CDH17: variants seen among roughly 807,000 people sequenced by gnomAD.
The protein encoded by CDH17 is cadherin 17.
CDH17 carries 67 observed loss-of-function variants against 86.3 expected under a neutral mutation model. That is an observed-to-expected ratio of 0.78 (90% CI 0.64 to 0.95). The LOEUF (loss-of-function observed/expected upper bound fraction) is 0.95. CDH17 is among the 40% of genes least tolerant of loss of function. The probability of loss-of-function intolerance (pLI) is 0.00; values close to 1 mark genes in which losing one functional copy is unlikely to be tolerated. For synonymous variants in CDH17, 367 were observed against 366.4 expected, an observed-to-expected ratio of 1.00 and a Z score of -0.02; for missense variants, 993 against 1,017.6, an observed-to-expected ratio of 0.98 and a Z score of 0.33.
At chr8:94,177,431 T>C (rs1480520856) in intron 4 of CDH17, among the ~76,000 whole-genome samples, 156 bp downstream of exon 4, 2 of 152,160 alleles carry the variant, frequency 1.3e-5, no homozygotes, top group Non-Finnish European at 2.9e-5. Context: ...CTGTAGTTGG[T>C]AAGAAATGGA....
intron 3 of CDH17, among the ~76,000 whole-genome samples, chr8:94,187,440 T>C (rs1369916951): frequency 1.3e-5 from 2 of 152,128 alleles, no homozygotes; most frequent in Non-Finnish European, 2.9e-5. Flanking sequence ...GAGCAGCTGG[T>C]ATATATAGTA....
At chr8:94,131,914 G>A (rs1812428853) in intron 15 of CDH17, among the ~76,000 whole-genome samples, 2 of 152,140 alleles carry the variant, frequency 1.3e-5, no homozygotes, top group Admixed American at 1.3e-4. Flanking sequence ...ACCTATGAGT[G>A]AGAACATGCA....
At chr8:94,161,691 C>A (rs57645649) in intron 11 of CDH17, among the ~76,000 whole-genome samples, 1,629 of 152,210 alleles carry the variant, frequency 0.011, 38 homozygotes, top group African/African-American at 0.037. Context: ...CGCCAATATT[C>A]CAAATATTAA....
At chr8:94,193,319 G>C (rs1331063834) in intron 2 of CDH17, among the ~76,000 whole-genome samples, 1 of 152,200 alleles carries the variant, frequency 6.6e-6, no homozygotes, top group Non-Finnish European at 1.5e-5. Context: ...TAAAAGCACA[G>C]TCCATTTTTC....
intron 12 of CDH17, 109 bp from the exon 13 acceptor site, chr8:94,152,221 A>ATTATTCCC: frequency 2.6e-6 from 3 of 1,155,866 alleles, no homozygotes; most frequent in Non-Finnish European, 3.7e-6. Context: ...ATATTGGAAA[A>ATTATTCCC]ACTGGATATC....
intron 3 of CDH17, 43 bp downstream of exon 3, chr8:94,189,144 A>G (rs763307704): frequency 7.6e-6 from 10 of 1,322,196 alleles, no homozygotes; most frequent in African/African-American, 1.5e-5. Flanking sequence ...CCACCAAGAG[A>G]GCATACAAAA....
intron 15 of CDH17, among the ~76,000 whole-genome samples, chr8:94,136,458 C>T (rs933417343): frequency 3.9e-5 from 6 of 152,136 alleles, no homozygotes; most frequent in East Asian, 1.9e-4. Flanking sequence ...GCATGCATCA[C>T]GAAGTTCTCC....
At chr8:94,170,638 A>G in intron 8 of CDH17, 91 bp from the exon 9 acceptor site, 1 of 1,440,150 alleles carries the variant, frequency 6.9e-7, no homozygotes, top group Non-Finnish European at 9.4e-7. Flanking sequence ...TATGTCATTT[A>G]CTCCCTTATT....
At chr8:94,170,268 A>G in intron 9 of CDH17, 129 bp downstream of exon 9, 1 of 917,624 alleles carries the variant, frequency 1.1e-6, no homozygotes, top group Non-Finnish European at 1.7e-6. Flanking sequence ...CTCCCAAGGT[A>G]CAGTCAACCT....
At chr8:94,165,235 GGACTGTACACAGCCAGT>G (rs1813129720) in intron 10 of CDH17, among the ~76,000 whole-genome samples, 1 of 152,068 alleles carries the variant, frequency 6.6e-6, no homozygotes, top group Non-Finnish European at 1.5e-5. Flanking sequence ...CAACTCCCCT[GGACTGTACACAGCCAGT>G]GACTGAGAAA....
chr8:94,177,454 G>T lies in CDH17; in HGVS notation c.285+133C>A, dbSNP rs979512831. Reference sequence around the variant, plus strand: ...GGTAAGAAATGGACATGTGAGGATTGCAAAGCGTCCCATTAATGTAAGGAA... The same window carrying T: ...GGTAAGAAATGGACATGTGAGGATTTCAAAGCGTCCCATTAATGTAAGGAA... On this transcript the variant is annotated intron_variant, in intron 4 of 17. Transcript: ENST00000027335. The T allele has an allele frequency of 5.5e-6, 5 of 903,354 alleles. No homozygotes were observed. In the Admixed American group the frequency reaches 8.6e-5, roughly 16 times the overall value. 56.0% of individuals were successfully genotyped at this position (903,354 alleles called of 1,614,324 possible).
chr8:94,182,172 G>C (rs1303157758), intron 3 of CDH17, among the ~76,000 whole-genome samples: 1 of 152,006 alleles, frequency 6.6e-6, no homozygotes, highest in Non-Finnish European at 1.5e-5. Flanking sequence ...GAACCAGATG[G>C]CTTCACTAGT....
Position 94,128,142 on chromosome 8 carries a change from T to TA in CDH17, c.*97dup. Reference sequence around the variant, plus strand: ...TAAAGGACAAGAGGGAATATCTGTTTAAAAAATTATAATGCACGTTAGATG... The same window carrying TA: ...TAAAGGACAAGAGGGAATATCTGTTTAAAAAAATTATAATGCACGTTAGATG... On this transcript the variant is annotated 3_prime_UTR_variant, in exon 18 of 18. Transcript: ENST00000027335. 5.2e-6 allele frequency: 4 copies of TA among 769,892 alleles called. No homozygotes were observed. The Admixed American group carries it at 6.9e-5, about 13-fold the overall frequency. The allele number at this position is 769,892 out of a possible 1,614,324, so 47.7% of individuals were successfully genotyped here.
intron 12 of CDH17, 42 bp from the exon 13 acceptor site, chr8:94,152,154 G>T (rs567602450): frequency 6.2e-7 from 1 of 1,604,922 alleles, no homozygotes; most frequent in Non-Finnish European, 8.5e-7. Flanking sequence ...GGGGTGATTA[G>T]CTCCCTTAAA....
intron 1 of CDH17, chr8:94,202,448 G>C (rs1328490608): frequency 6.5e-6 from 1 of 152,924 alleles, no homozygotes; most frequent in African/African-American, 2.4e-5. Flanking sequence ...TGGGATTATA[G>C]GTGTGAGCCA....
chr8:94,183,013 C>T (rs1441061291), intron 3 of CDH17, among the ~76,000 whole-genome samples: 2 of 151,890 alleles, frequency 1.3e-5, no homozygotes, highest in Non-Finnish European at 2.9e-5. Flanking sequence ...ACAACCACAA[C>T]AAAAAGAATA....
intron 1 of CDH17, among the ~76,000 whole-genome samples, chr8:94,201,734 AG>A (rs1813916369): frequency 6.6e-6 from 1 of 152,184 alleles, no homozygotes; most frequent in Non-Finnish European, 1.5e-5. Context: ...CTGCTGTCCC[AG>A]GACAGAGGTG....
intron 1 of CDH17, chr8:94,217,086 G>A (rs1386255700): frequency 6.6e-6 from 1 of 152,064 alleles, no homozygotes; most frequent in Non-Finnish European, 1.5e-5. Context: ...GATTCTCTCA[G>A]ATTTGAATCC....
Position 94,128,212 on chromosome 8 carries a change from A to ATATAAAT in CDH17, c.*21_*27dup, listed in dbSNP as rs1812338138. ...GGTTGTTGCTGAAATAGCACTTGCT[A>ATATAAAT]TATAAATTCAAACATTCCTTTTCAA... On this transcript the variant is annotated 3_prime_UTR_variant, in exon 18 of 18. Coordinates refer to ENST00000027335, the MANE Select transcript of CDH17 (RefSeq NM_004063.4). 1 of 1,409,188 alleles carries ATATAAAT rather than the reference A, an allele frequency of 7.1e-7. No homozygotes were observed. The highest frequency in any genetic ancestry group is 1.0e-6 in the Non-Finnish European group (1 of 995,436). 87.3% of individuals were successfully genotyped at this position (1,409,188 alleles called of 1,614,324 possible).
Sources: allele counts gnomAD v4.1 joint callset (sites outside exome capture counted in the v4.1 genomes callset), GRCh38; gene constraint gnomAD v4.1.1; transcripts MANE v1.5; gene names NCBI Gene and HGNC (gene_info 2026-07-23, HGNC 2026-07-21).